Variants in LTK observed in about 807,000 individuals in gnomAD.
LTK encodes the protein leukocyte receptor tyrosine kinase, also known as leukocyte tyrosine kinase receptor.
LTK carries 117 observed loss-of-function variants against 101.5 expected under a neutral mutation model. The observed-to-expected ratio is 1.15, with a 90% CI of 0.99 to 1.34. The LOEUF is 1.34. Among genes scored for constraint, LTK ranks in the 40% most tolerant of loss-of-function variants. The probability of loss-of-function intolerance (pLI) is 0.00; values close to 1 mark genes in which losing one functional copy is unlikely to be tolerated. For synonymous variants in LTK, 563 were observed against 494.2 expected, an observed-to-expected ratio of 1.14 and a Z score of -1.85; for missense variants, 1,252 against 1,164.7, an observed-to-expected ratio of 1.07 and a Z score of -1.09.
intron 13 of LTK, 27 bp from the exon 14 acceptor site, chr15:41,505,557 T>C: frequency 6.2e-7 from 1 of 1,613,278 alleles, no homozygotes. Context: ...ACATATCCCG[T>C]TACCAGGAGG....
chr15:41,505,987 G>A lies in LTK; in HGVS notation c.1560C>T (p.Ala520=), dbSNP rs1372828048. 6.2e-7 allele frequency: 1 copy of A among 1,613,660 alleles called. No homozygotes were observed. Among genetic ancestry groups the A allele is most frequent in the Admixed American group, 1.7e-5 (1 of 59,996 alleles). ...CCAGTCCCTCATACACCTCCCCAAA[G>A]GCACCATGGCCCAGGGCTCTGCAGG... ...VTLLRALGHG[A]FGEVYEGLVI... Residue 520 remains alanine, a synonymous_variant, in exon 12 of 20, where the codon GCC becomes GCT. Coordinates refer to ENST00000263800, the MANE Select transcript of LTK (RefSeq NM_002344.6).
Position 41,511,444 on chromosome 15 carries a change from G to A in LTK, c.792C>T (p.Ser264=), listed in dbSNP as rs543348328. ...KLENRSEAPG[S]GGRGGAAGGG... is the part of the protein sequence containing the mutation. Reference sequence around the variant, plus strand: ...CACCTGCCGCCCCGCCTCTCCCGCCGCTCCCGGGCGCCTCCGAGCGGTTCT... The same window carrying A: ...CACCTGCCGCCCCGCCTCTCCCGCCACTCCCGGGCGCCTCCGAGCGGTTCT... The change falls in exon 6 of 20, where the codon AGC becomes AGT. Residue 264 remains serine (S), a synonymous_variant. Coordinates refer to ENST00000263800, the MANE Select transcript of LTK (RefSeq NM_002344.6). This position sits in a 1 kb window ranked among gnomAD's most constrained non-coding sequence, Gnocchi z 5.9. 98 of 1,401,314 alleles carry A rather than the reference G, an allele frequency of 7.0e-5. 1 individual carries two copies. The South Asian group carries it at 1.5e-3, about 22-fold the overall frequency. 86.8% of individuals were successfully genotyped at this position (1,401,314 alleles called of 1,614,324 possible).
At position 41,513,249 on chromosome 15, in the gene LTK, T is replaced by G. The variant is rs1292299776; in HGVS notation, c.44-129A>C. Reference sequence around the variant, plus strand: ...CCCGTCACCCGGCCCAGCCGCGCTCTCAGCCTGGAAGCCACTACCCGACTC... The same window carrying G: ...CCCGTCACCCGGCCCAGCCGCGCTCGCAGCCTGGAAGCCACTACCCGACTC... On this transcript the variant is annotated intron_variant, in intron 1 of 19. Transcript: ENST00000263800. 3.3e-6 allele frequency: 4 copies of G among 1,208,770 alleles called. No individual in the cohort carries two copies. The African/African-American group carries it at 4.7e-5, about 14-fold the overall frequency. The allele number at this position is 1,208,770 out of a possible 1,614,324, so 74.9% of individuals were successfully genotyped here. A position where few individuals can be genotyped will look rare whatever the true frequency, so the allele number is the denominator to read the frequency against.
chr15:41,509,131 T>C lies in LTK; in HGVS notation c.998-2A>G, dbSNP rs747259515. On this transcript the variant is annotated splice_acceptor_variant, in intron 7 of 19. Coordinates refer to ENST00000263800, the MANE Select transcript of LTK (RefSeq NM_002344.6). LOFTEE classifies it high-confidence loss of function. ...TGTCAGTCTCTGAAGCGTCGCCCCC[T>C]GGAAGTGGAGAGTGATGGAGAGTTT... 1 of 1,594,686 alleles carries C rather than the reference T, an allele frequency of 6.3e-7. No homozygotes were observed. Among genetic ancestry groups the C allele is most frequent in the Non-Finnish European group, 8.6e-7 (1 of 1,162,430 alleles).
intron 7 of LTK, among the ~76,000 whole-genome samples, chr15:41,510,352 A>T (rs1377573998): frequency 6.6e-6 from 1 of 151,958 alleles, no homozygotes; most frequent in Non-Finnish European, 1.5e-5. Flanking sequence ...TACAGTCACC[A>T]TGTAGTACAG....
At chr15:41,505,561 C>A in intron 13 of LTK, 31 bp from the exon 14 acceptor site, 1 of 1,612,988 alleles carries the variant, frequency 6.2e-7, no homozygotes. Context: ...ATCCCGTTAC[C>A]AGGAGGGAGA....
Position 41,505,438 on chromosome 15 carries a change from T to A in LTK, c.1790A>T (p.Asp597Val). ...LILLELMSGGDMKSFLRHSRP... is the reference protein window; with the variant it reads ...LILLELMSGGVMKSFLRHSRP... ...ACTGTGCCTCAGGAAACTCTTCATG[T>A]CCCCTCCAGACATCAGTTCCAGCAG... The change falls in exon 14 of 20, where the codon GAC becomes GTC. Residue 597 changes from aspartate (D) to valine (V), a missense_variant. Asp to Val is a radical substitution (Grantham distance 152). Transcript: ENST00000263800. 1 of 1,613,894 alleles carries A rather than the reference T, an allele frequency of 6.2e-7. No individual in the cohort carries two copies. Among genetic ancestry groups the A allele is most frequent in the Non-Finnish European group, 8.5e-7 (1 of 1,179,964 alleles).
chr15:41,507,906 C>G (rs2051338507), intron 9 of LTK, among the ~76,000 whole-genome samples, 163 bp downstream of exon 9: 1 of 152,214 alleles, frequency 6.6e-6, no homozygotes, highest in Non-Finnish European at 1.5e-5. Flanking sequence ...GGACGACAGG[C>G]CTCTGAAAGG....
chr15:41,504,223 G>C lies in LTK; in HGVS notation c.2368C>G (p.Leu790Val). Reference sequence around the variant, plus strand: ...GTGGGCCCCAGCTCCATTGGCAGGAGTGAATTCAGCACATCCGGGTCCTGT... The same window carrying C: ...GTGGGCCCCAGCTCCATTGGCAGGACTGAATTCAGCACATCCGGGTCCTGT... ...CTQDPDVLNS[L>V]LPMELGPTPE... The change falls in exon 20 of 20, where the codon CTC (leucine) becomes GTC (valine). Residue 790 changes from leucine to valine, a missense_variant. Physicochemically the swap from Leu to Val is conservative, Grantham distance 32. Transcript: ENST00000263800. 1 of 1,610,468 alleles carries C rather than the reference G, an allele frequency of 6.2e-7. No homozygotes were observed. Among genetic ancestry groups the C allele is most frequent in the Admixed American group, 1.7e-5 (1 of 59,832 alleles).
rs751341057 is a variant in LTK at position 41,504,489 on chromosome 15, G to A, written c.2255+17C>T. The A allele has an allele frequency of 1.2e-6, 2 of 1,612,312 alleles. No homozygotes were observed. The highest frequency in any genetic ancestry group is 2.2e-5 in the South Asian group (2 of 90,888). On this transcript the variant is annotated intron_variant, in intron 18 of 19. Coordinates refer to ENST00000263800, the MANE Select transcript of LTK (RefSeq NM_002344.6). ...TGGTTGTGAAGGACCTCCCTTCCCG[G>A]GCAGCACTCAACTCACACAGGCCCT...
chr15:41,505,400 C>T lies in LTK; in HGVS notation c.1827+1G>A. ...TGGGGGGGCTAAGACAAGGGTCTCA[C>T]CAGGTGTGGCCGACTGTGCCTCAGG... On this transcript the variant is annotated splice_donor_variant, in intron 14 of 19. Coordinates refer to ENST00000263800, the MANE Select transcript of LTK (RefSeq NM_002344.6). LOFTEE classifies it high-confidence loss of function. 2 of 1,613,866 alleles carry T rather than the reference C, an allele frequency of 1.2e-6. No individual in the cohort carries two copies. The highest frequency in any genetic ancestry group is 1.7e-6 in the Non-Finnish European group (2 of 1,179,938).
Position 41,511,673 on chromosome 15 carries a change from G to A in LTK, c.658-95C>T, listed in dbSNP as rs927122172. The A allele has an allele frequency of 1.4e-6, 2 of 1,410,194 alleles. No homozygotes were observed. The highest frequency in any genetic ancestry group is 1.8e-6 in the Non-Finnish European group (2 of 1,092,528). The allele number at this position is 1,410,194 out of a possible 1,614,324, so 87.4% of individuals were successfully genotyped here. On this transcript the variant is annotated intron_variant, in intron 5 of 19. Coordinates refer to ENST00000263800, the MANE Select transcript of LTK (RefSeq NM_002344.6). The surrounding 1 kb of genome is among the most constrained non-coding windows in gnomAD (Gnocchi z 5.9). ...CTCCCGCCCAGGGGGCCTGGATAAG[G>A]GCAGGGGCCCCCAGCCCAGCCCAGG... is the stretch of plus-strand genomic sequence containing the variant.
At chr15:41,509,643 G>C (rs535138450) in intron 7 of LTK, among the ~76,000 whole-genome samples, 5 of 152,206 alleles carry the variant, frequency 3.3e-5, no homozygotes, top group South Asian at 2.1e-4. Flanking sequence ...GGCGGATTAC[G>C]AGGTCAGGAG....
intron 14 of LTK, 25 bp downstream of exon 14, chr15:41,505,375 TG>T (rs35233496): frequency 2.0e-5 from 32 of 1,612,444 alleles, no homozygotes; most frequent in East Asian, 4.5e-5. Flanking sequence ...TAGAGGGGCC[TG>T]GGGGGGCTAA....
intron 17 of LTK, 63 bp downstream of exon 17, chr15:41,504,710 A>G: frequency 3.8e-6 from 6 of 1,595,906 alleles, no homozygotes; most frequent in Non-Finnish European, 5.1e-6. Flanking sequence ...GGTGGCTGGA[A>G]AGGACAGGAT....
chr15:41,511,403 C>T lies in LTK; in HGVS notation c.814+19G>A, dbSNP rs775100636. 5.8e-6 allele frequency: 8 copies of T among 1,374,162 alleles called. No individual in the cohort carries two copies. Among genetic ancestry groups the T allele is most frequent in the Admixed American group, 7.8e-5 (2 of 25,678 alleles). The allele number at this position is 1,374,162 out of a possible 1,614,324, so 85.1% of individuals were successfully genotyped here. ...ACACGGGGAGCACGCCCGCCTCTCC[C>T]CGCGGCCCGCGCCCTCACCTGCCGC... On this transcript the variant is annotated intron_variant, in intron 6 of 19. Coordinates refer to ENST00000263800, the MANE Select transcript of LTK (RefSeq NM_002344.6). This position sits in a 1 kb window ranked among gnomAD's most constrained non-coding sequence, Gnocchi z 5.9.
chr15:41,507,251 A>G lies in LTK; in HGVS notation c.1385T>C (p.Leu462Pro). 6.2e-7 allele frequency: 1 copy of G among 1,608,748 alleles called. No individual in the cohort carries two copies. The highest frequency in any genetic ancestry group is 8.5e-7 in the Non-Finnish European group (1 of 1,177,968). Residue 462 changes from leucine to proline, a missense_variant, in exon 11 of 20, where the codon CTG (leucine) becomes CCG (proline). Leu to Pro is a moderately conservative substitution (Grantham distance 98). Coordinates refer to ENST00000263800, the MANE Select transcript of LTK (RefSeq NM_002344.6). ...GCTCAGCTCAAGCTCAGGGCTCGGC[A>G]GCCTCATCTCCTGCAGGCCCTGCCA... ...KKWQGLQEMR[L>P]PSPELELSKL...
intron 11 of LTK, among the ~76,000 whole-genome samples, chr15:41,506,374 G>A (rs550693502): frequency 1.2e-4 from 19 of 152,220 alleles, no homozygotes; most frequent in Non-Finnish European, 2.2e-4. Flanking sequence ...GCGCGATCTC[G>A]GCTCACTGCA....
Position 41,505,218 on chromosome 15 carries a change from A to G in LTK, c.1915T>C (p.Phe639Leu), listed in dbSNP as rs1045085559. 1.2e-6 allele frequency: 2 copies of G among 1,613,992 alleles called. No individual in the cohort carries two copies. Among genetic ancestry groups the G allele is most frequent in the Admixed American group, 1.7e-5 (1 of 60,016 alleles). Residue 639 changes from phenylalanine (F) to leucine (L), a missense_variant, in exon 15 of 20, where the codon TTC (phenylalanine) becomes CTC (leucine). Coordinates refer to ENST00000263800, the MANE Select transcript of LTK (RefSeq NM_002344.6). ...QGCHYLEENH[F>L]IHRDIAARNC... ...AGGACTGCTCCTAACCTGTGGATGA[A>G]GTGATTTTCCTCCAGGTAGTGGCAG...
Sources: allele counts gnomAD v4.1 joint callset (sites outside exome capture counted in the v4.1 genomes callset), GRCh38; gene constraint gnomAD v4.1.1; non-coding constraint Gnocchi (gnomAD v3.1); transcripts MANE v1.5; gene names NCBI Gene and HGNC (gene_info 2026-07-23, HGNC 2026-07-21).